The following NR4A1 variants were observed in gnomAD, a reference collection of about 807,000 sequenced individuals.
The protein encoded by NR4A1 is nuclear receptor subfamily 4immunitygroup A member 1.
NR4A1 carries 24 observed loss-of-function variants against 47.5 expected under a neutral mutation model. That is an observed-to-expected ratio of 0.50 (90% CI 0.37 to 0.71). The LOEUF (loss-of-function observed/expected upper bound fraction) is 0.71. Among genes scored for constraint, NR4A1 ranks in the 30% least tolerant of loss-of-function variants. The pLI is 0.00. For synonymous variants in NR4A1, 353 were observed against 345.7 expected, an observed-to-expected ratio of 1.02 and a Z score of -0.24; for missense variants, 669 against 788.6, an observed-to-expected ratio of 0.85 and a Z score of 1.82.
intron 1 of NR4A1, among the ~76,000 whole-genome samples, chr12:52,029,623 G>A (rs1379098459): frequency 6.6e-6 from 1 of 152,200 alleles, no homozygotes; most frequent in Admixed American, 6.5e-5. Context: ...GGGAGGCTGA[G>A]GCTGCAATGA....
At chr12:52,056,264 T>A (rs1242913417) in intron 3 of NR4A1, 105 bp downstream of exon 3, 1 of 1,461,654 alleles carries the variant, frequency 6.8e-7, no homozygotes, top group Non-Finnish European at 9.1e-7. Context: ...GGAGGGCACG[T>A]CTTATTTCCA....
intron 1 of NR4A1, among the ~76,000 whole-genome samples, chr12:52,024,212 C>T (rs1460628643): frequency 6.6e-6 from 1 of 152,174 alleles, no homozygotes; most frequent in African/African-American, 2.4e-5. Flanking sequence ...GGGTGACGAC[C>T]ATCCTTCTCC....
At chr12:52,057,635 A>G in intron 6 of NR4A1, 105 bp downstream of exon 6, 2 of 1,335,158 alleles carry the variant, frequency 1.5e-6, no homozygotes, top group Non-Finnish European at 2.1e-6. Flanking sequence ...GGGATCTAGC[A>G]CTTTCTGGGC....
chr12:52,038,143 C>A, intron 1 of NR4A1: 2 of 860,278 alleles, frequency 2.3e-6, no homozygotes, highest in Non-Finnish European at 2.8e-6. Flanking sequence ...CGGCTCACTG[C>A]AATCTCCGTC....
intron 2 of NR4A1, 171 bp from the exon 3 acceptor site, chr12:52,055,859 C>G (rs889068842): frequency 6.4e-6 from 3 of 469,330 alleles, no homozygotes; most frequent in South Asian, 3.9e-5. Flanking sequence ...TTCTCTCCCC[C>G]CGCCCAACCC....
At chr12:52,028,059 G>A (rs892508042) in intron 1 of NR4A1, among the ~76,000 whole-genome samples, 3 of 151,644 alleles carry the variant, frequency 2.0e-5, no homozygotes, top group Admixed American at 6.6e-5. Context: ...AAAATTAGCC[G>A]GGCGTGGTGG....
intron 1 of NR4A1, chr12:52,041,776 TTTCTC>T: frequency 7.8e-7 from 1 of 1,277,036 alleles, no homozygotes. Context: ...TGCTGGCTGG[TTTCTC>T]TTCACTCACA....
chr12:52,032,789 CGAGGTGTATCTG>C (rs1313233668), intron 1 of NR4A1, among the ~76,000 whole-genome samples: 4 of 152,134 alleles, frequency 2.6e-5, no homozygotes. Flanking sequence ...CTCCAAGCAG[CGAGGTGTATCTG>C]GAAAGACAGC....
chr12:52,058,854 C>A lies in NR4A1; in HGVS notation c.1707C>A (p.Gly569=). ...AGCTGCGGACCCTGTGCACCCAGGG[C>A]CTGCAGCGCATCTTCTACCTCAAGC... The part of the protein sequence containing the change: ...LPELRTLCTQ[G]LQRIFYLKLE... Residue 569 remains glycine (G), a synonymous_variant, in exon 7 of 7, where the codon GGC becomes GGA. Transcript: ENST00000394825. 1 of 1,614,074 alleles carries A rather than the reference C, an allele frequency of 6.2e-7. No homozygotes were observed. The highest frequency in any genetic ancestry group is 8.5e-7 in the Non-Finnish European group (1 of 1,179,960).
intron 1 of NR4A1, among the ~76,000 whole-genome samples, chr12:52,029,470 T>C (rs1938071519): frequency 6.6e-6 from 1 of 152,068 alleles, no homozygotes; most frequent in Non-Finnish European, 1.5e-5. Flanking sequence ...GGTGGATTGC[T>C]TGAGCTCAGG....
chr12:52,056,667 G>A (rs373318717), intron 4 of NR4A1, 22 bp downstream of exon 4: 2 of 1,549,526 alleles, frequency 1.3e-6, no homozygotes, highest in African/African-American at 1.4e-5. Flanking sequence ...CCCCGTGTCT[G>A]CCTTGGGGAG....
chr12:52,026,072 C>G (rs1937993539), intron 1 of NR4A1, among the ~76,000 whole-genome samples: 2 of 152,172 alleles, frequency 1.3e-5, no homozygotes, highest in Admixed American at 1.3e-4. Context: ...TTGGACACAC[C>G]CCTGAGCAGC....
At chr12:52,042,270 G>A (rs1192225091) in intron 2 of NR4A1, among the ~76,000 whole-genome samples, 4 of 152,140 alleles carry the variant, frequency 2.6e-5, no homozygotes, top group African/African-American at 9.7e-5. Context: ...TAGGGTGTCT[G>A]GGGGCTGGGC....
intron 4 of NR4A1, 175 bp downstream of exon 4, chr12:52,056,820 C>G: frequency 1.1e-6 from 1 of 888,670 alleles, no homozygotes. Flanking sequence ...ATCCCCCTCT[C>G]GGCTGACCAG....
intron 1 of NR4A1, among the ~76,000 whole-genome samples, chr12:52,039,727 G>T (rs1225106909): frequency 6.6e-6 from 1 of 152,200 alleles, no homozygotes; most frequent in Non-Finnish European, 1.5e-5. Context: ...ATTCTGGTTG[G>T]GTAGACAGGT....
rs1939180999 is a variant in NR4A1, at chr12:52,054,984, G to T, written c.656G>T (p.Gly219Val). The change falls in exon 2 of 7, where the codon GGG becomes GTG. Residue 219 changes from glycine (G) to valine (V), a missense_variant. By Grantham distance (109) the Gly-to-Val change is moderately radical. Transcript: ENST00000394825. Reference sequence around the variant, plus strand: ...CCCTCACAGGCCACCCACCAGCTGGGGGAGGGAGAGAGCTATTCCATGCCT... The same window carrying T: ...CCCTCACAGGCCACCCACCAGCTGGTGGAGGGAGAGAGCTATTCCATGCCT... ...LFPSQATHQL[G>V]EGESYSMPTA... 7 of 1,614,122 alleles carry T rather than the reference G, an allele frequency of 4.3e-6. No individual in the cohort carries two copies. The highest frequency in any genetic ancestry group is 5.9e-6 in the Non-Finnish European group (7 of 1,180,046).
intron 2 of NR4A1, among the ~76,000 whole-genome samples, chr12:52,042,927 G>A (rs1479046914): frequency 1.3e-5 from 2 of 152,316 alleles, no homozygotes; most frequent in African/African-American, 4.8e-5. Flanking sequence ...GAGAAATCCC[G>A]GATGAAGCAC....
At chr12:52,043,715 G>T (rs1938523660) in intron 2 of NR4A1, 3 of 1,271,260 alleles carry the variant, frequency 2.4e-6, no homozygotes, top group Non-Finnish European at 3.1e-6. Context: ...CCGGCTTGGA[G>T]GCAGCACCAC....
At position 52,051,481 on chromosome 12, in the gene NR4A1, C is replaced by G. The variant is rs1938937678; in HGVS notation, c.-90C>G. 1 of 985,566 alleles carries G rather than the reference C, an allele frequency of 1.0e-6. No individual in the cohort carries two copies. Among genetic ancestry groups the G allele is most frequent in the Non-Finnish European group, 1.2e-6 (1 of 830,052 alleles). The allele number at this position is 985,566 out of a possible 1,614,324, so 61.1% of individuals were successfully genotyped here. A position where few individuals can be genotyped will look rare whatever the true frequency, so the allele number is the denominator to read the frequency against. ...AGGCTACGAAACTTGGGGGAGTGCA[C>G]AGAAGAACTTCGGGAGCGCACGCGG... is the stretch of plus-strand genomic sequence containing the variant. On this transcript the variant is annotated 5_prime_UTR_variant, in exon 1 of 7. Coordinates refer to ENST00000394825, the MANE Select transcript of NR4A1 (RefSeq NM_173157.3).
Sources: gnomAD v4.1 joint callset for allele counts (sites outside exome capture counted in the v4.1 genomes callset) on GRCh38, gnomAD v4.1.1 for gene constraint, MANE v1.5 for transcripts, NCBI Gene and HGNC (gene_info 2026-07-23, HGNC 2026-07-21) for gene names.